Variants in STRIP2 observed in about 807,000 individuals in gnomAD.
The protein encoded by STRIP2 is striatin interacting protein 2, also known as striatin-interacting protein 2.
A neutral mutation model predicts 107.1 loss-of-function variants in STRIP2; 84 were observed. The ratio of observed to expected loss-of-function variants is 0.78; its 90% CI spans 0.66 to 0.94. The LOEUF is 0.94. Ranked by LOEUF, STRIP2 falls within the 40% of genes least tolerant of loss-of-function variation. The pLI, the probability that STRIP2 is intolerant of heterozygous loss-of-function variation, is 0.00. For missense variants in STRIP2, 888 were observed against 1,034.2 expected (o/e 0.86, Z 1.94); for synonymous variants, 394 against 400.4 (o/e 0.98, Z 0.19).
intron 3 of STRIP2, among the ~76,000 whole-genome samples, chr7:129,451,150 G>C (rs973078768): frequency 6.6e-6 from 1 of 151,622 alleles, no homozygotes; most frequent in Admixed American, 6.6e-5. Context: ...TTTTTTAGCC[G>C]GGATGGTCTC....
chr7:129,436,885 T>G (rs1250618764), intron 1 of STRIP2, among the ~76,000 whole-genome samples: 1 of 152,122 alleles, frequency 6.6e-6, no homozygotes, highest in Non-Finnish European at 1.5e-5. Context: ...AAAGAATAAT[T>G]GTTTGCTTAA....
intron 7 of STRIP2, among the ~76,000 whole-genome samples, 199 bp downstream of exon 7, chr7:129,454,726 G>C (rs541888996): frequency 6.6e-6 from 1 of 152,198 alleles, no homozygotes; most frequent in East Asian, 1.9e-4. Context: ...TATGAGCTAA[G>C]ACCAGCCATG....
At chr7:129,455,442 T>A in intron 8 of STRIP2, 71 bp downstream of exon 8, 1 of 1,538,534 alleles carries the variant, frequency 6.5e-7, no homozygotes, top group Non-Finnish European at 8.7e-7. Flanking sequence ...TCTTCTAGTC[T>A]CATTCCAGGA....
chr7:129,474,795 A>G (rs1183111091), intron 18 of STRIP2, among the ~76,000 whole-genome samples: 1 of 152,192 alleles, frequency 6.6e-6, no homozygotes, highest in Non-Finnish European at 1.5e-5. Flanking sequence ...TATAGGCCTG[A>G]GCCACCGCTG....
chr7:129,459,125 G>A (rs779012391), intron 11 of STRIP2, among the ~76,000 whole-genome samples: 1 of 152,126 alleles, frequency 6.6e-6, no homozygotes, highest in Non-Finnish European at 1.5e-5. Context: ...AAGAGACATG[G>A]TCAGAACGGA....
intron 18 of STRIP2, among the ~76,000 whole-genome samples, chr7:129,477,046 G>A (rs1311430043): frequency 1.3e-5 from 2 of 151,566 alleles, no homozygotes; most frequent in Non-Finnish European, 2.9e-5. Context: ...GTGGCGGCGC[G>A]CGCCTGCAAT....
chr7:129,444,118 C>T lies in STRIP2; in HGVS notation c.274+20C>T, dbSNP rs1328614900. The T allele has an allele frequency of 1.3e-6, 2 of 1,577,870 alleles. No individual in the cohort carries two copies. The highest frequency in any genetic ancestry group is 1.3e-5 in the African/African-American group (1 of 74,104). On this transcript the variant is annotated intron_variant, in intron 3 of 20. Coordinates refer to ENST00000249344, the MANE Select transcript of STRIP2 (RefSeq NM_020704.3). ...CTCAAGGTAATTCCAGATCTTTACT[C>T]ATAGAGACCTGCTTTTTCCTTTTAT...
In STRIP2 at chr7:129,458,821, G is replaced by A. The variant is rs1562905546; in HGVS notation, c.1340+44G>A. 2 of 1,585,526 alleles carry A rather than the reference G, an allele frequency of 1.3e-6. No individual in the cohort carries two copies. The highest frequency in any genetic ancestry group is 1.7e-6 in the Non-Finnish European group (2 of 1,154,506). On this transcript the variant is annotated intron_variant, in intron 11 of 20. Coordinates refer to ENST00000249344, the MANE Select transcript of STRIP2 (RefSeq NM_020704.3). This position sits in a 1 kb window ranked among gnomAD's most constrained non-coding sequence, Gnocchi z 4.6. ...GGAACTGGCTACAGAGTGGTTCCTA[G>A]GGGGCCAGAGGAGCAGGTAGCTTGG...
At chr7:129,456,728 G>A (rs936997224) in intron 9 of STRIP2, 86 bp downstream of exon 9, 2 of 1,296,026 alleles carry the variant, frequency 1.5e-6, no homozygotes, top group South Asian at 1.4e-5. Flanking sequence ...GTAGGAAAAA[G>A]CAGTAAATGA....
chr7:129,468,093 A>G (rs1030493301), intron 17 of STRIP2, among the ~76,000 whole-genome samples: 1 of 152,164 alleles, frequency 6.6e-6, no homozygotes, highest in Non-Finnish European at 1.5e-5. Context: ...TGTGAATACA[A>G]ATTGCTTTCC....
chr7:129,485,958 T>A lies in STRIP2; in HGVS notation c.*129T>A. ...TGGGGGCTCTTGGGCCTAAAGATGG[T>A]GCAAGGGTGGGATCCTGAATCACAA... On this transcript the variant is annotated 3_prime_UTR_variant, in exon 21 of 21. Transcript: ENST00000249344. 1.9e-6 allele frequency: 2 copies of A among 1,049,838 alleles called. No individual in the cohort carries two copies. Among genetic ancestry groups the A allele is most frequent in the Non-Finnish European group, 2.8e-6 (2 of 724,216 alleles). 65.0% of individuals were successfully genotyped at this position (1,049,838 alleles called of 1,614,324 possible).
At position 129,480,814 on chromosome 7, in the gene STRIP2, G is replaced by T; in HGVS notation, c.1974G>T (p.Trp658Cys). Reference protein sequence around the residue: ...LEAGDNSQFCWRNLFSCINLL... With the variant: ...LEAGDNSQFCCRNLFSCINLL... Reference sequence around the variant, plus strand: ...CTGGAGACAACAGCCAGTTCTGCTGGAGGAACCTCTTTTCCTGCATCAACC... The same window carrying T: ...CTGGAGACAACAGCCAGTTCTGCTGTAGGAACCTCTTTTCCTGCATCAACC... Residue 658 changes from tryptophan (W) to cysteine (C), a missense_variant, in exon 19 of 21, where the codon TGG becomes TGT. Physicochemically the swap from Trp to Cys is radical, Grantham distance 215. Transcript: ENST00000249344. 6.2e-7 allele frequency: 1 copy of T among 1,613,944 alleles called. No homozygotes were observed. The highest frequency in any genetic ancestry group is 8.5e-7 in the Non-Finnish European group (1 of 1,179,936).
rs1179942356 is a variant in STRIP2 at position 129,444,604 on chromosome 7, C to G, written c.274+506C>G. Among the ~76,000 whole-genome samples, 3 of 152,296 alleles carry G rather than the reference C, an allele frequency of 2.0e-5. No individual in the cohort carries two copies. The East Asian group carries it at 5.8e-4, about 29-fold the overall frequency. On this transcript the variant is annotated intron_variant, in intron 3 of 20. Transcript: ENST00000249344. ...TATACCCAGGATCAATACTTTGTAT[C>G]CTTCAATCCAATCAAGTTGACTCAC...
intron 2 of STRIP2, 128 bp downstream of exon 2, chr7:129,440,219 C>T (rs1433669227): frequency 5.6e-6 from 4 of 715,554 alleles, no homozygotes; most frequent in Non-Finnish European, 7.4e-6. Context: ...TCTCCACATT[C>T]CTTTTCCTCT....
intron 18 of STRIP2, 57 bp from the exon 19 acceptor site, chr7:129,480,728 C>G (rs1799094704): frequency 5.6e-6 from 8 of 1,430,890 alleles, no homozygotes; most frequent in Non-Finnish European, 7.7e-6. Flanking sequence ...TTCCAGGCTT[C>G]TGTGGGAATT....
Position 129,477,000 on chromosome 7 carries a change from C to A in STRIP2, c.1945-3785C>A, listed in dbSNP as rs910805117. On this transcript the variant is annotated intron_variant, in intron 18 of 20. Coordinates refer to ENST00000249344, the MANE Select transcript of STRIP2 (RefSeq NM_020704.3). ...CCAGCCCGGCCAACACAGCGAAACC[C>A]CGTCTCCACCAAAAAAATACGAAAA... is the stretch of plus-strand genomic sequence containing the variant. Among the ~76,000 whole-genome samples, 102 of 151,652 alleles carry A rather than the reference C, an allele frequency of 6.7e-4. 1 individual carries two copies. The highest frequency in any genetic ancestry group is 1.1e-3 in the Non-Finnish European group (77 of 67,842).
rs1798733178 is a variant in STRIP2 at position 129,468,978 on chromosome 7, C to T, written c.1877+1528C>T. Among the ~76,000 whole-genome samples, 2 of 152,324 alleles carry T rather than the reference C, an allele frequency of 1.3e-5. 1 individual carries two copies. The highest frequency in any genetic ancestry group is 4.1e-4 in the South Asian group (2 of 4,826). Reference sequence around the variant, plus strand: ...ATTTATCAGTCTGCATTGTTTGCTTCTCAGGCCGCATAGTGAAATACGTCT... The same window carrying T: ...ATTTATCAGTCTGCATTGTTTGCTTTTCAGGCCGCATAGTGAAATACGTCT... On this transcript the variant is annotated intron_variant, in intron 17 of 20. Coordinates refer to ENST00000249344, the MANE Select transcript of STRIP2 (RefSeq NM_020704.3).
chr7:129,464,546 C>G, intron 15 of STRIP2, 66 bp from the exon 16 acceptor site: 2 of 1,569,814 alleles, frequency 1.3e-6, no homozygotes, highest in Non-Finnish European at 1.7e-6. Context: ...GACCCAAATA[C>G]CTGGATCCCT....
chr7:129,476,460 T>C (rs1424975187), intron 18 of STRIP2, among the ~76,000 whole-genome samples: 253 of 122,874 alleles, frequency 2.1e-3, no homozygotes, highest in African/African-American at 3.1e-3. Flanking sequence ...ACTTCTCAGA[T>C]GGGGCGGCTG....
Sources: allele counts gnomAD v4.1 joint callset (sites outside exome capture counted in the v4.1 genomes callset), GRCh38; gene constraint gnomAD v4.1.1; non-coding constraint Gnocchi (gnomAD v3.1); transcripts MANE v1.5; gene names NCBI Gene and HGNC (gene_info 2026-07-23, HGNC 2026-07-21).